Variants in UVRAG observed in about 807,000 individuals in gnomAD.
The protein encoded by UVRAG is UV radiation resistance-associated gene protein.
UVRAG carries 19 observed loss-of-function variants against 78.0 expected under a neutral mutation model. The observed-to-expected ratio is 0.24, with a 90% CI of 0.17 to 0.36. The LOEUF is 0.36. Ranked by LOEUF, UVRAG falls within the 10% of genes least tolerant of loss-of-function variation. The pLI is 1.00. For missense variants in UVRAG, 740 were observed against 853.8 expected, an observed-to-expected ratio of 0.87 and a Z score of 1.66; for synonymous variants, 323 against 324.6, an observed-to-expected ratio of 1.00 and a Z score of 0.05.
intron 11 of UVRAG, among the ~76,000 whole-genome samples, chr11:76,014,540 G>T (rs1468480153): frequency 1.3e-5 from 2 of 152,188 alleles, no homozygotes; most frequent in Non-Finnish European, 2.9e-5. Context: ...TTTTAAATTT[G>T]ATAAGACCTA....
At chr11:76,001,691 T>C (rs1176213815) in intron 8 of UVRAG, among the ~76,000 whole-genome samples, 1 of 152,156 alleles carries the variant, frequency 6.6e-6, no homozygotes. Context: ...TCACAAGGAC[T>C]TTAGAGGCAG....
Position 76,140,849 on chromosome 11 carries a change from G to C in UVRAG, c.1536G>C (p.Glu512Asp), listed in dbSNP as rs1376644524. 1 of 1,614,134 alleles carries C rather than the reference G, an allele frequency of 6.2e-7. No individual in the cohort carries two copies. Among genetic ancestry groups the C allele is most frequent in the East Asian group, 2.2e-5 (1 of 44,878 alleles). ...GAAAACGGGCCAGCTCTGAGAATGA[G>C]AGACTTCAGTACAAAACCCCTCCTC... ...GHRKRASSEN[E>D]RLQYKTPPPS... The change falls in exon 15 of 15, where the codon GAG becomes GAC. Residue 512 changes from glutamate (E) to aspartate (D), a missense_variant. By Grantham distance (45) the Glu-to-Asp change is conservative (BLOSUM62 2). Transcript: ENST00000356136.
rs755283778 is a variant in UVRAG at position 75,888,856 on chromosome 11, A to G, written c.460A>G (p.Ile154Val). Residue 154 changes from isoleucine to valine, a missense_variant, in exon 5 of 15, where the codon ATT becomes GTT. Coordinates refer to ENST00000356136, the MANE Select transcript of UVRAG (RefSeq NM_003369.4). ...QIHARNQNEI[I>V]FGLNDGYYGA... ...TCATGCCCGAAACCAAAATGAAATA[A>G]TTTTTGGGCTGAATGATGGATACTA... is the stretch of plus-strand genomic sequence containing the variant. 6.8e-6 allele frequency: 11 copies of G among 1,613,692 alleles called. No individual in the cohort carries two copies. The South Asian group carries it at 1.2e-4, about 18-fold the overall frequency.
chr11:75,870,115 T>C (rs1161102573), intron 3 of UVRAG, among the ~76,000 whole-genome samples: 1 of 152,206 alleles, frequency 6.6e-6, no homozygotes, highest in Non-Finnish European at 1.5e-5. Flanking sequence ...GTAAAAATAG[T>C]AGGCTATAAA....
At chr11:76,082,703 C>T (rs951448771) in intron 13 of UVRAG, among the ~76,000 whole-genome samples, 6 of 152,064 alleles carry the variant, frequency 3.9e-5, no homozygotes, top group Non-Finnish European at 7.4e-5. Flanking sequence ...TCAGCTAGAG[C>T]GCTTAAGCAT....
chr11:75,919,687 T>C (rs1166599810), intron 6 of UVRAG, among the ~76,000 whole-genome samples: 1 of 152,176 alleles, frequency 6.6e-6, no homozygotes, highest in African/African-American at 2.4e-5. Flanking sequence ...ATGTCTGTAT[T>C]GCATTTCATA....
At chr11:76,008,910 A>G (rs762971288) in intron 11 of UVRAG, 43 bp downstream of exon 11, 6 of 1,113,094 alleles carry the variant, frequency 5.4e-6, no homozygotes, top group Non-Finnish European at 6.4e-6. Context: ...ATATTAATAT[A>G]TGGAAATAGA....
chr11:75,862,300 A>G (rs189892199), intron 3 of UVRAG, among the ~76,000 whole-genome samples: 1 of 152,112 alleles, frequency 6.6e-6, no homozygotes, highest in Admixed American at 6.5e-5. Context: ...TGTATAGGAT[A>G]CTCCTACTTG....
chr11:75,896,413 C>G (rs948497519), intron 5 of UVRAG, among the ~76,000 whole-genome samples: 23 of 152,076 alleles, frequency 1.5e-4, no homozygotes, highest in Middle Eastern at 3.4e-3. Context: ...TTTTGGTGAC[C>G]ACTCGTCTTT....
At chr11:76,140,618 G>T in intron 14 of UVRAG, 93 bp from the exon 15 acceptor site, 1 of 1,240,020 alleles carries the variant, frequency 8.1e-7, no homozygotes, top group Non-Finnish European at 1.1e-6. Flanking sequence ...TATTAGCTCA[G>T]ACCTAAGTAT....
intron 8 of UVRAG, among the ~76,000 whole-genome samples, chr11:75,984,013 T>G (rs1949447131): frequency 6.6e-6 from 1 of 152,170 alleles, no homozygotes; most frequent in African/African-American, 2.4e-5. Flanking sequence ...TGTACAGATC[T>G]GTATTCAAAT....
At chr11:75,931,108 T>G (rs1356542975) in intron 6 of UVRAG, among the ~76,000 whole-genome samples, 1 of 152,146 alleles carries the variant, frequency 6.6e-6, no homozygotes, top group Non-Finnish European at 1.5e-5. Context: ...ATTTTATGTT[T>G]TTTTGGGAGT....
chr11:76,121,828 T>A (rs17134571), intron 14 of UVRAG, among the ~76,000 whole-genome samples: 10 of 152,250 alleles, frequency 6.6e-5, no homozygotes, highest in African/African-American at 2.4e-4. Flanking sequence ...TCATATCCTA[T>A]CTCATTCATT....
chr11:75,824,851 T>C (rs759758287), intron 1 of UVRAG, among the ~76,000 whole-genome samples: 2 of 151,668 alleles, frequency 1.3e-5, no homozygotes, highest in Admixed American at 1.3e-4. Flanking sequence ...TTTTTTGTAT[T>C]TTTAGTAGAG....
chr11:76,076,802 G>GTATTTATTTATTTATTTATTTATT (rs140240744), intron 13 of UVRAG, among the ~76,000 whole-genome samples: 4 of 147,556 alleles, frequency 2.7e-5, no homozygotes, highest in Admixed American at 6.7e-5. Context: ...AAATTAGGTT[G>GTATTTATTTATTTATTTATTTATT]TATTTATTTA....
chr11:75,867,312 C>T (rs1165491139), intron 3 of UVRAG, among the ~76,000 whole-genome samples: 1 of 152,194 alleles, frequency 6.6e-6, no homozygotes, highest in Non-Finnish European at 1.5e-5. Flanking sequence ...CCTCTCCTCC[C>T]CTCTCCAGTC....
At chr11:75,840,392 C>T (rs1298336338) in intron 1 of UVRAG, among the ~76,000 whole-genome samples, 1 of 151,890 alleles carries the variant, frequency 6.6e-6, no homozygotes, top group Non-Finnish European at 1.5e-5. Flanking sequence ...CTTAGAGTAA[C>T]ACTACCTGGC....
At chr11:76,089,970 A>T (rs1431905835) in intron 13 of UVRAG, among the ~76,000 whole-genome samples, 1 of 152,144 alleles carries the variant, frequency 6.6e-6, no homozygotes, top group Non-Finnish European at 1.5e-5. Context: ...CTGTGATGGG[A>T]TAGGAAGTTG....
chr11:76,085,695 T>C (rs1951577505), intron 13 of UVRAG, among the ~76,000 whole-genome samples: 1 of 152,212 alleles, frequency 6.6e-6, no homozygotes, highest in African/African-American at 2.4e-5. Context: ...CTTTATTATA[T>C]ATACATCTGC....
Sources: allele counts gnomAD v4.1 joint callset (sites outside exome capture counted in the v4.1 genomes callset), GRCh38; gene constraint gnomAD v4.1.1; transcripts MANE v1.5; gene names NCBI Gene and HGNC (gene_info 2026-07-23, HGNC 2026-07-21).